KIZ: variants seen among roughly 807,000 people sequenced by gnomAD.
The protein encoded by KIZ is kizuna centrosomal protein.
A neutral mutation model predicts 79.6 loss-of-function variants in KIZ; 68 were observed. The ratio of observed to expected loss-of-function variants is 0.85; its 90% confidence interval spans 0.70 to 1.05. The LOEUF (loss-of-function observed/expected upper bound fraction) is 1.05, where lower values mean the gene tolerates loss of function less well. KIZ is among the 50% of genes least tolerant of loss of function. KIZ has a pLI of 0.00. For synonymous variants in KIZ, 280 were observed against 281.8 expected (o/e 0.99, Z 0.06); for missense variants, 797 against 800.4 (o/e 1.00, Z 0.05).
At chr20:21,188,676 T>TTTATTTATTTA (rs1555882083) in intron 6 of KIZ, among the ~76,000 whole-genome samples, 2 of 141,882 alleles carry the variant, frequency 1.4e-5, no homozygotes, top group Non-Finnish European at 3.0e-5. Flanking sequence ...TTGCATTTTA[T>TTTATTTATTTA]TTTATTTATT....
intron 11 of KIZ, among the ~76,000 whole-genome samples, chr20:21,239,784 G>A (rs1224287867): frequency 2.6e-5 from 4 of 152,230 alleles, no homozygotes; most frequent in East Asian, 1.9e-4. Flanking sequence ...GGCTGCTCTC[G>A]GATAAAACCT....
chr20:21,190,387 C>T (rs1289740025), intron 6 of KIZ, among the ~76,000 whole-genome samples: 1 of 152,202 alleles, frequency 6.6e-6, no homozygotes, highest in Non-Finnish European at 1.5e-5. Context: ...TTAGCGCTAG[C>T]CAATTGTTAC....
intron 6 of KIZ, chr20:21,198,040 C>G (rs894148216): frequency 5.9e-5 from 9 of 152,148 alleles, no homozygotes; most frequent in African/African-American, 2.2e-4. Context: ...CACAAAGTTG[C>G]AATCCTCTTA....
At chr20:21,172,610 GTAT>G (rs1381519819) in intron 6 of KIZ, among the ~76,000 whole-genome samples, 1 of 150,932 alleles carries the variant, frequency 6.6e-6, no homozygotes, top group African/African-American at 2.4e-5. Flanking sequence ...AAAAAAAAAA[GTAT>G]TATGATGAAG....
chr20:21,192,712 C>A (rs2035166082), intron 6 of KIZ, among the ~76,000 whole-genome samples: 2 of 151,990 alleles, frequency 1.3e-5, no homozygotes, highest in Non-Finnish European at 2.9e-5. Flanking sequence ...ATCCAGTAAC[C>A]CATTGGGGTA....
Position 21,214,557 on chromosome 20 carries a change from C to T in KIZ, c.1469C>T (p.Ala490Val), listed in dbSNP as rs765295494. 2.5e-6 allele frequency: 4 copies of T among 1,613,208 alleles called. No homozygotes were observed. Among genetic ancestry groups the T allele is most frequent in the Non-Finnish European group, 3.4e-6 (4 of 1,179,422 alleles). ...TAGGCAACAGCATTATTGAGAAAAG[C>T]CCTTACAGAAGAGTGTGGCCGTAGG... ...KEEATALLRK[A>V]LTEECGRRSA... The change falls in exon 8 of 13, where the codon GCC (alanine) becomes GTC (valine). Residue 490 changes from alanine to valine, a missense_variant. By Grantham distance (64) the Ala-to-Val change is moderately conservative. Coordinates refer to ENST00000619189, the MANE Select transcript of KIZ (RefSeq NM_018474.6).
chr20:21,183,853 C>G (rs971149733), intron 6 of KIZ, among the ~76,000 whole-genome samples: 3 of 152,166 alleles, frequency 2.0e-5, no homozygotes, highest in African/African-American at 7.2e-5. Flanking sequence ...TTCTCTGTTT[C>G]CCTCTGATCT....
chr20:21,161,193 A>G (rs942238516), intron 4 of KIZ, among the ~76,000 whole-genome samples: 2 of 152,062 alleles, frequency 1.3e-5, no homozygotes, highest in African/African-American at 2.4e-5. Context: ...TCTTTTTATT[A>G]TGTAGTTATA....
intron 6 of KIZ, among the ~76,000 whole-genome samples, chr20:21,189,275 A>AT (rs1319476956): frequency 6.6e-6 from 1 of 152,016 alleles, no homozygotes; most frequent in African/African-American, 2.4e-5. Flanking sequence ...AGTCAGGAGG[A>AT]TTTTTTCAAC....
intron 3 of KIZ, among the ~76,000 whole-genome samples, chr20:21,143,055 G>A (rs573249967): frequency 2.4e-4 from 37 of 152,004 alleles, no homozygotes; most frequent in Non-Finnish European, 4.6e-4. Context: ...ACAAATGAAC[G>A]TTCCCCCATA....
Position 21,162,431 on chromosome 20 carries a change from G to C in KIZ, c.966G>C (p.Pro322=). The change falls in exon 5 of 13, where the codon CCG becomes CCC. Residue 322 remains proline (P), a synonymous_variant. Transcript: ENST00000619189. ...EEKRASPPVS[P]IPVSEYCESE... The stretch of plus-strand genomic sequence containing the variant: ...AAAGAGCCAGCCCGCCAGTCTCTCC[G>C]ATACCAGTTTCAGAATACTGTGAAT... 6.2e-7 allele frequency: 1 copy of C among 1,612,772 alleles called. No homozygotes were observed. Among genetic ancestry groups the C allele is most frequent in the Non-Finnish European group, 8.5e-7 (1 of 1,178,926 alleles).
intron 9 of KIZ, among the ~76,000 whole-genome samples, chr20:21,222,670 G>A (rs781168568): frequency 6.6e-6 from 1 of 152,188 alleles, no homozygotes; most frequent in Non-Finnish European, 1.5e-5. Flanking sequence ...CCTTGCCTCT[G>A]AAGGTGCTAG....
Position 21,162,134 on chromosome 20 carries a change from CAT to C in KIZ, c.671_672del (p.Ile224ArgfsTer10), listed in dbSNP as rs1486320540. ...DTQCLNKSDN[I>X]DGKASLQIGE... ...CACAGTGCTTAAATAAGTCTGACAA[CAT>C]AGATGGAAAGGCATCTCTTCAGATT... On this transcript the variant is annotated frameshift_variant, in exon 5 of 13. Transcript: ENST00000619189. LOFTEE classifies it high-confidence loss of function. 6.2e-7 allele frequency: 1 copy of C among 1,610,816 alleles called. No homozygotes were observed. The highest frequency in any genetic ancestry group is 1.7e-5 in the Admixed American group (1 of 59,788).
At chr20:21,127,487 A>G (rs1244147012) in intron 1 of KIZ, among the ~76,000 whole-genome samples, 1 of 152,134 alleles carries the variant, frequency 6.6e-6, no homozygotes, top group African/African-American at 2.4e-5. Context: ...TATAATAATT[A>G]TGTACTTTAT....
rs768647794 is a variant in KIZ, at chr20:21,163,097, T to C, written c.1290T>C (p.Ile430=). 1.9e-6 allele frequency: 3 copies of C among 1,613,864 alleles called. No homozygotes were observed. In the South Asian group the frequency reaches 3.3e-5, roughly 18 times the overall value. Residue 430 remains isoleucine, a synonymous_variant, in exon 6 of 13, where the codon ATT becomes ATC. Coordinates refer to ENST00000619189, the MANE Select transcript of KIZ (RefSeq NM_018474.6). ...RVALSTEKNC[I]LQTLSSPDSE... ...CCCTATCCACTGAAAAAAATTGTATTTTGCAAACCCTAAGCTCTCCTGATT... is the reference window on the plus strand; with the variant it reads ...CCCTATCCACTGAAAAAAATTGTATCTTGCAAACCCTAAGCTCTCCTGATT...
chr20:21,185,062 T>TTGTGTGTGTGTGTGTGTGTGTGTG (rs144332345), intron 6 of KIZ, among the ~76,000 whole-genome samples: 128 of 151,514 alleles, frequency 8.4e-4, no homozygotes, highest in African/African-American at 3.0e-3. Context: ...AAAAAAATAA[T>TTGTGTGTGTGTGTGTGTGTGTGTG]TGTGTGTGTG....
At chr20:21,225,854 C>T (rs1043530805) in intron 9 of KIZ, among the ~76,000 whole-genome samples, 7 of 152,342 alleles carry the variant, frequency 4.6e-5, no homozygotes, top group African/African-American at 1.7e-4. Flanking sequence ...AAAAAGTACA[C>T]TCTTGCCTCC....
intron 9 of KIZ, among the ~76,000 whole-genome samples, chr20:21,228,319 C>T (rs891251096): frequency 1.3e-5 from 2 of 152,140 alleles, no homozygotes; most frequent in African/African-American, 4.8e-5. Context: ...AGGTTCTTTA[C>T]GTATTTTTGT....
At chr20:21,195,472 C>CA (rs1164893040) in intron 6 of KIZ, 1 of 152,364 alleles carries the variant, frequency 6.6e-6, no homozygotes, top group African/African-American at 2.4e-5. Flanking sequence ...CAGCATCCAC[C>CA]AGCACCATGG....
Sources: gnomAD v4.1 joint callset for allele counts (sites outside exome capture counted in the v4.1 genomes callset) on GRCh38, gnomAD v4.1.1 for gene constraint, MANE v1.5 for transcripts, NCBI Gene and HGNC (gene_info 2026-07-23, HGNC 2026-07-21) for gene names.